The following RCN3 variants were observed in gnomAD, a reference collection of about 807,000 sequenced individuals.
RCN3 encodes reticulocalbin-3.
RCN3 carries 41 observed loss-of-function variants against 35.9 expected under a neutral mutation model. The ratio of observed to expected loss-of-function variants is 1.14; its 90% CI spans 0.89 to 1.48. The LOEUF is 1.48. Among genes scored for constraint, RCN3 ranks in the 40% most tolerant of loss-of-function variants. RCN3 has a pLI of 0.00. For synonymous variants in RCN3, 187 were observed against 193.4 expected (o/e 0.97, Z 0.27); for missense variants, 451 against 471.3 (o/e 0.96, Z 0.40).
intron 2 of RCN3, among the ~76,000 whole-genome samples, 196 bp downstream of exon 2, chr19:49,528,910 G>A (rs1007239191): frequency 1.3e-5 from 2 of 152,144 alleles, no homozygotes; most frequent in Non-Finnish European, 2.9e-5. Flanking sequence ...GACCGGGCGT[G>A]GTGGCTCATG....
intron 3 of RCN3, among the ~76,000 whole-genome samples, chr19:49,534,981 C>T (rs2080127517): frequency 6.6e-6 from 1 of 152,022 alleles, no homozygotes; most frequent in African/African-American, 2.4e-5. Flanking sequence ...ACACACACAG[C>T]CCTCATTCTC....
Position 49,534,124 on chromosome 19 carries a change from G to A in RCN3, c.243-69G>A. 3.7e-6 allele frequency: 5 copies of A among 1,362,432 alleles called. No homozygotes were observed. In the East Asian group the frequency reaches 8.5e-5, roughly 23 times the overall value. The allele number at this position is 1,362,432 out of a possible 1,614,324, so 84.4% of individuals were successfully genotyped here. On this transcript the variant is annotated intron_variant, in intron 2 of 6. Transcript: ENST00000270645. Reference sequence around the variant, plus strand: ...CCGGATCCGAAGTGTCCCAGGGGGCGTGGCCCGTGCGAGGGGCGGGGCCTG... The same window carrying A: ...CCGGATCCGAAGTGTCCCAGGGGGCATGGCCCGTGCGAGGGGCGGGGCCTG...
At chr19:49,532,447 C>T (rs1601208757) in intron 2 of RCN3, among the ~76,000 whole-genome samples, 2 of 151,918 alleles carry the variant, frequency 1.3e-5, no homozygotes, top group East Asian at 3.8e-4. Context: ...ACGATCTCGG[C>T]TCACTGCAAC....
At chr19:49,543,000 G>A (rs2080170908) in intron 6 of RCN3, 106 bp from the exon 7 acceptor site, 1 of 959,538 alleles carries the variant, frequency 1.0e-6, no homozygotes, top group Admixed American at 2.0e-5. Context: ...AGGGACAGAG[G>A]CCCAGAGAAC....
In RCN3 at chr19:49,534,411, C is replaced by T. The variant is rs1294081703; in HGVS notation, c.445+16C>T. ...TACGCGCCCGGTACGCGGCGAGCCC[C>T]CGACCCTGCTCCCCATACACCGTGA... On this transcript the variant is annotated intron_variant, in intron 3 of 6. Coordinates refer to ENST00000270645, the MANE Select transcript of RCN3 (RefSeq NM_020650.3). 6.5e-7 allele frequency: 1 copy of T among 1,536,986 alleles called. No individual in the cohort carries two copies. Among genetic ancestry groups the T allele is most frequent in the Non-Finnish European group, 8.7e-7 (1 of 1,145,118 alleles).
At chr19:49,542,904 GGAGCCCCAGAAAGAGAGGGGGACA>G (rs1321552254) in intron 6 of RCN3, 152 bp downstream of exon 6, 1 of 798,042 alleles carries the variant, frequency 1.3e-6, no homozygotes, top group Non-Finnish European at 1.9e-6. Flanking sequence ...GAGAGGGCAC[GGAGCCCCAGAAAGAGAGGGGGACA>G]GAGACCCAGA....
intron 2 of RCN3, among the ~76,000 whole-genome samples, chr19:49,530,151 GT>G (rs1254456788): frequency 5.4e-5 from 8 of 149,300 alleles, no homozygotes; most frequent in Admixed American, 2.0e-4. Context: ...ATCCAGCAAA[GT>G]TTTTTTTCTT....
At chr19:49,530,621 C>T (rs566999753) in intron 2 of RCN3, among the ~76,000 whole-genome samples, 70 of 151,650 alleles carry the variant, frequency 4.6e-4, no homozygotes, top group East Asian at 3.3e-3. Context: ...CTCAGCCTTC[C>T]GAGTAGCTGG....
intron 2 of RCN3, among the ~76,000 whole-genome samples, chr19:49,529,552 G>A (rs1209374765): frequency 6.6e-6 from 1 of 152,218 alleles, no homozygotes; most frequent in Non-Finnish European, 1.5e-5. Context: ...GCCAGGCACT[G>A]CTCTAGGTGC....
At chr19:49,528,251 C>G in intron 1 of RCN3, 193 bp downstream of exon 1, 1 of 477,526 alleles carries the variant, frequency 2.1e-6, no homozygotes, top group Non-Finnish European at 3.7e-6. Context: ...CCCCCTGAGA[C>G]TCCGTCAGAA....
At chr19:49,542,943 C>CAAAGAGAG (rs1159423998) in intron 6 of RCN3, among the ~76,000 whole-genome samples, 163 bp from the exon 7 acceptor site, 1 of 128,986 alleles carries the variant, frequency 7.8e-6, no homozygotes, top group Non-Finnish European at 1.7e-5. Flanking sequence ...CCCAGAGACC[C>CAAAGAGAG]AAAGAGAGAA....
chr19:49,535,849 C>CAAAA (rs777910956), intron 3 of RCN3, among the ~76,000 whole-genome samples: 9 of 108,050 alleles, frequency 8.3e-5, no homozygotes, highest in African/African-American at 3.1e-4. Context: ...GACTCTGTCT[C>CAAAA]AAAAAAAAAA....
intron 2 of RCN3, among the ~76,000 whole-genome samples, chr19:49,533,650 ACAGGG>A (rs1385666141): frequency 1.3e-5 from 2 of 148,710 alleles, no homozygotes; most frequent in Non-Finnish European, 3.0e-5. Flanking sequence ...GGGGCTCAGC[ACAGGG>A]CAGGGCTGGA....
Position 49,528,400 on chromosome 19 carries a change from C to A in RCN3, c.-6-67C>A, listed in dbSNP as rs1053712288. 5.8e-6 allele frequency: 8 copies of A among 1,388,300 alleles called. No individual in the cohort carries two copies. The African/African-American group carries it at 1.0e-4, about 18-fold the overall frequency. 86.0% of individuals were successfully genotyped at this position (1,388,300 alleles called of 1,614,324 possible). ...GTCCTAGGTAACCCCTCCACCCCGC[C>A]ATTCTCCTATCCCGTGTCTGTCCCC... On this transcript the variant is annotated intron_variant, in intron 1 of 6. Transcript: ENST00000270645.
At position 49,534,173 on chromosome 19, in the gene RCN3, G is replaced by C; in HGVS notation, c.243-20G>C. On this transcript the variant is annotated intron_variant, in intron 2 of 6. Transcript: ENST00000270645. ...TGGGGGCGGGACCAGAGCCTGACGT[G>C]TGCCCGCCCCGGCTTCTAGGCGGAT... is the stretch of plus-strand genomic sequence containing the variant. The C allele has an allele frequency of 1.4e-6, 2 of 1,477,654 alleles. No homozygotes were observed. Among genetic ancestry groups the C allele is most frequent in the South Asian group, 2.6e-5 (2 of 76,336 alleles). The allele number at this position is 1,477,654 out of a possible 1,614,324, so 91.5% of individuals were successfully genotyped here. A position where few individuals can be genotyped will look rare whatever the true frequency, so the allele number is the denominator to read the frequency against.
At chr19:49,533,756 G>A (rs1044678832) in intron 2 of RCN3, among the ~76,000 whole-genome samples, 1 of 152,078 alleles carries the variant, frequency 6.6e-6, no homozygotes, top group African/African-American at 2.4e-5. Flanking sequence ...GATCGGGGGT[G>A]TGGCCGTGGC....
intron 2 of RCN3, among the ~76,000 whole-genome samples, chr19:49,530,852 T>C (rs918281894): frequency 1.3e-5 from 2 of 152,104 alleles, no homozygotes; most frequent in African/African-American, 4.8e-5. Context: ...AGGTGGTATG[T>C]GGTATTTGAG....
rs1213161733 is a variant in RCN3, at chr19:49,542,538, T to A, written c.680-15T>A. The A allele has an allele frequency of 6.4e-7, 1 of 1,566,166 alleles. No individual in the cohort carries two copies. Among genetic ancestry groups the A allele is most frequent in the Non-Finnish European group, 8.7e-7 (1 of 1,154,994 alleles). The stretch of plus-strand genomic sequence containing the variant: ...GAGCTGCCCCTGACCTTGTCCCCTC[T>A]GTCCCGGCCCCCAGCGGATCTGTAC... On this transcript the variant is annotated splice_polypyrimidine_tract_variant and intron_variant, in intron 5 of 6. Transcript: ENST00000270645.
chr19:49,540,440 T>G (rs1313372199), intron 5 of RCN3, among the ~76,000 whole-genome samples: 1 of 152,060 alleles, frequency 6.6e-6, no homozygotes, highest in Non-Finnish European at 1.5e-5. Flanking sequence ...GAGACCAGCC[T>G]GGCCAAGATG....
Sources: gnomAD v4.1 joint callset for allele counts (sites outside exome capture counted in the v4.1 genomes callset) on GRCh38, gnomAD v4.1.1 for gene constraint, MANE v1.5 for transcripts, NCBI Gene and HGNC (gene_info 2026-07-23, HGNC 2026-07-21) for gene names.